Variants in FHIT observed in about 807,000 individuals in gnomAD.
FHIT encodes the protein fragile histidine triad diadenosine triphosphatase.
FHIT carries 19 observed loss-of-function variants against 17.9 expected under a neutral mutation model. The observed-to-expected ratio is 1.06, with a 90% CI of 0.74 to 1.56. FHIT has a LOEUF of 1.56. FHIT is among the 40% of genes most tolerant of loss of function. The pLI, the probability that FHIT is intolerant of heterozygous loss-of-function variation, is 0.00. For missense variants in FHIT, 248 were observed against 189.2 expected (o/e 1.31, Z -1.82); for synonymous variants, 81 against 69.7 (o/e 1.16, Z -0.81).
intron 8 of FHIT, among the ~76,000 whole-genome samples, chr3:59,802,471 C>CTGA (rs1700034690): frequency 6.6e-6 from 1 of 152,152 alleles, no homozygotes; most frequent in East Asian, 1.9e-4. Flanking sequence ...CCTGCCTTAA[C>CTGA]TGATGACATT....
chr3:61,020,592 C>T (rs1052550844), intron 3 of FHIT, among the ~76,000 whole-genome samples: 1 of 152,144 alleles, frequency 6.6e-6, no homozygotes, highest in Non-Finnish European at 1.5e-5. Context: ...ACCATCAACA[C>T]TATGAAAAAA....
chr3:61,198,960 C>T (rs1277922831), intron 2 of FHIT, among the ~76,000 whole-genome samples: 2 of 151,942 alleles, frequency 1.3e-5, no homozygotes, highest in Non-Finnish European at 2.9e-5. Context: ...AGTGGCAGCT[C>T]ACATCTACTG....
intron 5 of FHIT, among the ~76,000 whole-genome samples, chr3:60,456,443 G>A (rs2032099328): frequency 1.3e-5 from 2 of 152,118 alleles, no homozygotes; most frequent in Admixed American, 6.5e-5. Flanking sequence ...GTCACACTTT[G>A]GGGAACACTA....
chr3:60,220,450 T>A (rs1559738190), intron 5 of FHIT, among the ~76,000 whole-genome samples: 1 of 152,126 alleles, frequency 6.6e-6, no homozygotes, highest in Non-Finnish European at 1.5e-5. Flanking sequence ...TTAAAAAAAA[T>A]AAATCAACTG....
chr3:59,927,758 G>C (rs906021242), intron 7 of FHIT, among the ~76,000 whole-genome samples: 2 of 151,494 alleles, frequency 1.3e-5, no homozygotes, highest in African/African-American at 2.4e-5. Flanking sequence ...GACAGAGCAA[G>C]ACTCTGTCTC....
At chr3:60,172,058 T>C (rs756252103) in intron 5 of FHIT, among the ~76,000 whole-genome samples, 1 of 152,112 alleles carries the variant, frequency 6.6e-6, no homozygotes, top group African/African-American at 2.4e-5. Context: ...TTTTACAGAA[T>C]ATCCAGATTA....
intron 3 of FHIT, among the ~76,000 whole-genome samples, chr3:60,959,544 G>C (rs1484234335): frequency 3.3e-5 from 5 of 152,134 alleles, no homozygotes; most frequent in African/African-American, 9.7e-5. Flanking sequence ...TGAGGAAATA[G>C]TAATGCAGAG....
chr3:60,638,004 C>T (rs1447147335), intron 4 of FHIT, among the ~76,000 whole-genome samples: 9 of 152,030 alleles, frequency 5.9e-5, no homozygotes, highest in African/African-American at 1.9e-4. Flanking sequence ...TCCCACTGGC[C>T]AAGACAAATC....
rs560975061 is a variant in FHIT, at chr3:60,951,152, T to C, written c.-111+90895A>G. Among the ~76,000 whole-genome samples, 3 of 152,290 alleles carry C rather than the reference T, an allele frequency of 2.0e-5. No homozygotes were observed. In the South Asian group the frequency reaches 6.2e-4, roughly 32 times the overall value. ...CTTTTATATTTTCTACCATAGTATG[T>C]ACTGTTTTATCATAAGAAAAAAATA... is the stretch of plus-strand genomic sequence containing the variant. On this transcript the variant is annotated intron_variant, in intron 3 of 9. Transcript: ENST00000492590.
At chr3:60,455,108 G>C (rs939015093) in intron 5 of FHIT, among the ~76,000 whole-genome samples, 1 of 152,056 alleles carries the variant, frequency 6.6e-6, no homozygotes, top group East Asian at 1.9e-4. Flanking sequence ...TACAAATTAA[G>C]ATGGGGTGGG....
intron 8 of FHIT, among the ~76,000 whole-genome samples, chr3:59,917,905 G>C (rs1040745369): frequency 2.0e-5 from 3 of 152,196 alleles, no homozygotes; most frequent in Non-Finnish European, 4.4e-5. Flanking sequence ...GTGGGAGGGG[G>C]CAAGTTAGTT....
intron 2 of FHIT, among the ~76,000 whole-genome samples, chr3:61,146,179 G>C (rs1215565528): frequency 6.6e-6 from 1 of 152,000 alleles, no homozygotes; most frequent in Non-Finnish European, 1.5e-5. Context: ...ATACAGAGTA[G>C]TAAAATGAAA....
At chr3:61,042,632 C>A (rs6768800) in intron 2 of FHIT, among the ~76,000 whole-genome samples, 110,337 of 151,922 alleles carry the variant, frequency 0.73, 41,868 homozygotes, top group East Asian at 0.99. Context: ...CGAGGTCAGC[C>A]GTTCGAGACC....
chr3:60,934,274 T>C (rs1553772575), intron 3 of FHIT, among the ~76,000 whole-genome samples: 1 of 151,360 alleles, frequency 6.6e-6, no homozygotes, highest in East Asian at 1.9e-4. Flanking sequence ...TGTACAGCCC[T>C]ATCAAAAAAA....
intron 5 of FHIT, among the ~76,000 whole-genome samples, chr3:60,424,267 T>C (rs1576632082): frequency 6.6e-6 from 1 of 152,144 alleles, no homozygotes; most frequent in African/African-American, 2.4e-5. Context: ...GCCACTAGAC[T>C]ACCCTGCGTC....
intron 5 of FHIT, among the ~76,000 whole-genome samples, chr3:60,149,303 A>G (rs1700363477): frequency 6.6e-6 from 1 of 152,068 alleles, no homozygotes; most frequent in Admixed American, 6.6e-5. Flanking sequence ...ACAGTCCACC[A>G]GCAGAAATAG....
rs58681314 is a variant in FHIT, at chr3:60,612,250, A to G, written c.-17-75271T>C. ...CTCTCAATAAGTCACATATTCTCTG[A>G]TCTCCATTTCCCAAATCACACAAAT... On this transcript the variant is annotated intron_variant, in intron 4 of 9. Coordinates refer to ENST00000492590, the MANE Select transcript of FHIT (RefSeq NM_002012.4). Among the ~76,000 whole-genome samples, 4 of 152,278 alleles carry G rather than the reference A, an allele frequency of 2.6e-5. No homozygotes were observed. In the East Asian group the frequency reaches 7.7e-4, roughly 29 times the overall value.
intron 1 of FHIT, among the ~76,000 whole-genome samples, chr3:61,215,744 A>G (rs1339629460): frequency 6.6e-6 from 1 of 152,210 alleles, no homozygotes; most frequent in African/African-American, 2.4e-5. Context: ...ACTTCAAACT[A>G]TACTACAAGG....
Position 60,214,542 on chromosome 3 carries a change from G to T in FHIT, c.104-200390C>A, listed in dbSNP as rs1191100388. 2.6e-5 allele frequency among the ~76,000 whole-genome samples: 4 copies of T among 152,162 alleles called. No homozygotes were observed. In the East Asian group the frequency reaches 5.8e-4, roughly 22 times the overall value. On this transcript the variant is annotated intron_variant, in intron 5 of 9. Coordinates refer to ENST00000492590, the MANE Select transcript of FHIT (RefSeq NM_002012.4). Reference sequence around the variant, plus strand: ...ATGCTGGTGAGGCGACAGAGTAAAGGGAACACTTACATACTGCTGGTAGGA... The same window carrying T: ...ATGCTGGTGAGGCGACAGAGTAAAGTGAACACTTACATACTGCTGGTAGGA...
Sources: gnomAD v4.1 joint callset for allele counts (sites outside exome capture counted in the v4.1 genomes callset) on GRCh38, gnomAD v4.1.1 for gene constraint, MANE v1.5 for transcripts, NCBI Gene and HGNC (gene_info 2026-07-23, HGNC 2026-07-21) for gene names.